The following TUSC3 variants were observed in gnomAD, a reference collection of about 807,000 sequenced individuals.
TUSC3 encodes the protein tumor suppressor candidate 3.
Under a neutral mutation model 44.8 loss-of-function variants are expected in TUSC3, and 45 were observed. The ratio of observed to expected loss-of-function variants is 1.00; its 90% CI spans 0.79 to 1.29. The LOEUF is 1.29. TUSC3 is among the 50% of genes most tolerant of loss of function. TUSC3 has a pLI of 0.00. For synonymous variants in TUSC3, 212 were observed against 152.9 expected, an observed-to-expected ratio of 1.39 and a Z score of -2.85; for missense variants, 519 against 437.9, an observed-to-expected ratio of 1.19 and a Z score of -1.65.
chr8:15,539,886 C>T (rs956157563), upstream of TUSC3, among the ~76,000 whole-genome samples: 4 of 152,118 alleles, frequency 2.6e-5, no homozygotes, highest in East Asian at 7.8e-4. Context: ...TAGATGGTTT[C>T]CCAGGGCTCT....
intron 1 of TUSC3, among the ~76,000 whole-genome samples, chr8:15,455,767 C>T (rs1208778180): frequency 2.6e-5 from 4 of 152,088 alleles, no homozygotes; most frequent in East Asian, 3.9e-4. Context: ...GGCCTTAGGC[C>T]AAGGTAACTA....
intron 1 of TUSC3, among the ~76,000 whole-genome samples, chr8:15,418,528 G>C (rs530191021): frequency 2.6e-5 from 4 of 152,112 alleles, no homozygotes; most frequent in African/African-American, 9.6e-5. Flanking sequence ...TAGCTAGAGA[G>C]CGAAAAAATT....
At chr8:15,432,237 T>C (rs1471703518) in intron 1 of TUSC3, among the ~76,000 whole-genome samples, 1 of 152,140 alleles carries the variant, frequency 6.6e-6, no homozygotes, top group Non-Finnish European at 1.5e-5. Flanking sequence ...CATCTGGTTT[T>C]AGGCTTTTTG....
chr8:15,457,825 T>TAAG (rs34120976), intron 1 of TUSC3, among the ~76,000 whole-genome samples: 1 of 143,682 alleles, frequency 7.0e-6, no homozygotes, highest in South Asian at 2.2e-4. Context: ...AGATAATTAA[T>TAAG]TATTAATAAA....
At chr8:15,760,392 T>C (rs909799846) in intron 10 of TUSC3, among the ~76,000 whole-genome samples, 1 of 152,200 alleles carries the variant, frequency 6.6e-6, no homozygotes, top group Admixed American at 6.5e-5. Context: ...ACAATATATA[T>C]GATTTTACAC....
At chr8:15,515,097 C>T (rs545373765) in intron 2 of TUSC3, among the ~76,000 whole-genome samples, 4 of 152,094 alleles carry the variant, frequency 2.6e-5, no homozygotes, top group Non-Finnish European at 5.9e-5. Context: ...TAAGCCAAGA[C>T]CACACTGTCT....
intron 4 of TUSC3, among the ~76,000 whole-genome samples, chr8:15,661,296 T>G (rs1807412023): frequency 6.6e-6 from 1 of 152,096 alleles, no homozygotes; most frequent in Non-Finnish European, 1.5e-5. Flanking sequence ...CAAGATTTGG[T>G]CTAGAGTTAG....
At chr8:15,763,329 T>A in intron 10 of TUSC3, among the ~76,000 whole-genome samples, 1 of 151,816 alleles carries the variant, frequency 6.6e-6, no homozygotes. Context: ...ATGATATGAT[T>A]TAAACATCCA....
Position 15,617,921 on chromosome 8 carries a change from C to T in TUSC3, c.139-5159C>T, listed in dbSNP as rs572300701. Among the ~76,000 whole-genome samples, 3 of 152,158 alleles carry T rather than the reference C, an allele frequency of 2.0e-5. No homozygotes were observed. In the South Asian group the frequency reaches 6.2e-4, roughly 32 times the overall value. ...CTAGATGGTATAGTCTACTACACAC[C>T]CAGGCTGTGTGGTATAGCTCCTAGG... On this transcript the variant is annotated intron_variant, in intron 1 of 10. Transcript: ENST00000503731.
intron 2 of TUSC3, among the ~76,000 whole-genome samples, chr8:15,649,400 C>T (rs936077986): frequency 3.3e-5 from 5 of 151,536 alleles, no homozygotes; most frequent in Admixed American, 6.6e-5. Flanking sequence ...CTGGCTAACA[C>T]GGTGAAACCC....
At chr8:15,789,683 A>G in the TUSC3 span, among the ~76,000 whole-genome samples, 1 of 152,336 alleles carries the variant, frequency 6.6e-6, no homozygotes, top group South Asian at 2.1e-4. Context: ...ATTGCAATGA[A>G]CAAAACTTAA....
chr8:15,771,580 TAAA>T (rs1314049024), downstream of TUSC3, among the ~76,000 whole-genome samples: 4 of 152,026 alleles, frequency 2.6e-5, no homozygotes, highest in Non-Finnish European at 4.4e-5. Context: ...ACCTCTAAAT[TAAA>T]AACTCTACAG....
At chr8:15,821,348 T>C in the TUSC3 span, among the ~76,000 whole-genome samples, 4 of 134,618 alleles carry the variant, frequency 3.0e-5, no homozygotes, top group African/African-American at 1.1e-4. Context: ...TTGATTTTAA[T>C]GTATCTAGGC....
At chr8:15,484,101 A>G (rs1800704157) in intron 2 of TUSC3, among the ~76,000 whole-genome samples, 1 of 152,206 alleles carries the variant, frequency 6.6e-6, no homozygotes, top group Non-Finnish European at 1.5e-5. Flanking sequence ...ATTTACATGC[A>G]CTTATGCAAC....
At chr8:15,792,176 TTATTTAA>T in the TUSC3 span, among the ~76,000 whole-genome samples, 1 of 151,614 alleles carries the variant, frequency 6.6e-6, no homozygotes, top group South Asian at 2.1e-4. Flanking sequence ...AAGTAATAAT[TTATTTAA>T]TATTATTGAA....
At chr8:15,654,796 C>A (rs1460889168) in intron 3 of TUSC3, among the ~76,000 whole-genome samples, 2 of 150,946 alleles carry the variant, frequency 1.3e-5, no homozygotes, top group African/African-American at 2.4e-5. Flanking sequence ...GACTCCATCT[C>A]AAAAAAAATA....
At chr8:15,605,432 C>A (rs900448659) in intron 1 of TUSC3, among the ~76,000 whole-genome samples, 9 of 151,422 alleles carry the variant, frequency 5.9e-5, no homozygotes, top group African/African-American at 9.8e-5. Context: ...TTATCTTCTC[C>A]TGTAGAAGGA....
intron 2 of TUSC3, among the ~76,000 whole-genome samples, chr8:15,633,885 T>C (rs1195138457): frequency 6.6e-6 from 1 of 152,168 alleles, no homozygotes; most frequent in Non-Finnish European, 1.5e-5. Flanking sequence ...CCAGAGAAAC[T>C]GATACACCAC....
At chr8:15,746,580 T>C (rs1811424849) in intron 8 of TUSC3, among the ~76,000 whole-genome samples, 2 of 152,040 alleles carry the variant, frequency 1.3e-5, no homozygotes, top group Admixed American at 1.3e-4. Context: ...CATATACAAG[T>C]ACTTGAGTAG....
Sources: allele counts gnomAD v4.1 joint callset (sites outside exome capture counted in the v4.1 genomes callset), GRCh38; gene constraint gnomAD v4.1.1; transcripts MANE v1.5; gene names NCBI Gene and HGNC (gene_info 2026-07-23, HGNC 2026-07-21).